Variants in SYT14 observed in about 807,000 individuals in gnomAD.
The protein encoded by SYT14 is synaptotagmin-14.
Under a neutral mutation model 74.2 loss-of-function variants are expected in SYT14, and 32 were observed. The observed-to-expected ratio is 0.43, with a 90% CI of 0.33 to 0.58. The LOEUF (loss-of-function observed/expected upper bound fraction) is 0.58. Among genes scored for constraint, SYT14 ranks in the 20% least tolerant of loss-of-function variants. The pLI is 0.05. For missense variants in SYT14, 791 were observed against 981.8 expected, an observed-to-expected ratio of 0.81 and a Z score of 2.60; for synonymous variants, 298 against 337.7, an observed-to-expected ratio of 0.88 and a Z score of 1.29.
intron 5 of SYT14, among the ~76,000 whole-genome samples, chr1:210,031,918 CAAG>C (rs1241754158): frequency 7.7e-6 from 1 of 130,316 alleles, no homozygotes; most frequent in Non-Finnish European, 1.8e-5. Flanking sequence ...AAGAAGGTAA[CAAG>C]AAGGAGGGGA....
intron 5 of SYT14, among the ~76,000 whole-genome samples, chr1:210,089,697 G>T (rs2081822474): frequency 6.6e-6 from 1 of 152,052 alleles, no homozygotes; most frequent in African/African-American, 2.4e-5. Flanking sequence ...TTTTGTTTCT[G>T]ATTTCTAGTT....
chr1:210,015,599 AAGAT>A (rs374462324), intron 3 of SYT14: 247 of 154,336 alleles, frequency 1.6e-3, no homozygotes, highest in African/African-American at 5.0e-3. Flanking sequence ...GTTTATTAGT[AAGAT>A]AGGGTAGTTC....
In SYT14 at chr1:209,962,597, G is replaced by T. The variant is rs141280157; in HGVS notation, c.-486+9841G>T. On this transcript the variant is annotated intron_variant, in intron 2 of 9. Transcript: ENST00000637265. ...TGAGAGGTTTATGTGCACCCAGAGG[G>T]AGGGTGCCTACCGCATTGACTCATG... Among the ~76,000 whole-genome samples the T allele has an allele frequency of 7.7e-3, 1,175 of 152,168 alleles. 20 individuals carry two copies. The highest frequency in any genetic ancestry group is 0.027 in the African/African-American group (1,122 of 41,552).
In SYT14 at chr1:209,956,424, A is replaced by G. The variant is rs114496018; in HGVS notation, c.-486+3668A>G. 5.3e-3 allele frequency among the ~76,000 whole-genome samples: 810 copies of G among 152,316 alleles called. 5 individuals are homozygous for G. The highest frequency in any genetic ancestry group is 0.018 in the African/African-American group (744 of 41,566). On this transcript the variant is annotated intron_variant, in intron 2 of 9. Coordinates refer to ENST00000637265, the Ensembl canonical transcript of SYT14. ...AGCTTGTGGCTCTGGCATCTTCAGCACATGGCTTTGGAGGTTACTATGTTC... is the reference window on the plus strand; with the variant it reads ...AGCTTGTGGCTCTGGCATCTTCAGCGCATGGCTTTGGAGGTTACTATGTTC...
chr1:209,976,587 G>C lies in SYT14; in HGVS notation c.-486+23831G>C, dbSNP rs1321101241. Among the ~76,000 whole-genome samples, 3 of 151,308 alleles carry C rather than the reference G, an allele frequency of 2.0e-5. No individual in the cohort carries two copies. In the East Asian group the frequency reaches 5.8e-4, roughly 29 times the overall value. On this transcript the variant is annotated intron_variant, in intron 2 of 9. Coordinates refer to ENST00000637265, the Ensembl canonical transcript of SYT14. ...TGAGAGACAGTTTGTTATAATTTCT[G>C]TTCTTTTACATTTGCTGAGGAGTCC...
intron 7 of SYT14, among the ~76,000 whole-genome samples, chr1:210,140,617 G>A (rs2082894337): frequency 6.6e-6 from 1 of 151,954 alleles, no homozygotes; most frequent in African/African-American, 2.4e-5. Flanking sequence ...TTTTCTTCTA[G>A]TAGTTTTATG....
chr1:209,972,439 G>T (rs909511695), intron 2 of SYT14, among the ~76,000 whole-genome samples: 1 of 151,970 alleles, frequency 6.6e-6, no homozygotes, highest in East Asian at 1.9e-4. Context: ...TCTTCTAGGT[G>T]TGATGTTAGA....
chr1:210,100,585 CT>C, intron 7 of SYT14, 124 bp downstream of exon 6: 1 of 957,070 alleles, frequency 1.0e-6, no homozygotes, highest in Non-Finnish European at 1.6e-6. Context: ...GTAATCATGC[CT>C]TTACAAAAAT....
intron 2 of SYT14, among the ~76,000 whole-genome samples, chr1:209,966,654 TAC>T (rs975174950): frequency 2.6e-5 from 4 of 152,350 alleles, no homozygotes; most frequent in Admixed American, 6.5e-5. Flanking sequence ...TATATAGAAA[TAC>T]AGTTACGTTT....
At chr1:210,142,657 A>G (rs2082941140) in intron 7 of SYT14, among the ~76,000 whole-genome samples, 1 of 152,170 alleles carries the variant, frequency 6.6e-6, no homozygotes, top group Non-Finnish European at 1.5e-5. Context: ...ATACAAGGCC[A>G]AAAGTTCAAA....
At chr1:209,991,453 A>G (rs2079684165) in intron 2 of SYT14, among the ~76,000 whole-genome samples, 1 of 152,216 alleles carries the variant, frequency 6.6e-6, no homozygotes, top group African/African-American at 2.4e-5. Context: ...AAATAACCCC[A>G]TTAAAAAGTG....
chr1:210,107,268 C>T (rs1392749204), intron 7 of SYT14, among the ~76,000 whole-genome samples: 1 of 152,196 alleles, frequency 6.6e-6, no homozygotes, highest in Admixed American at 6.5e-5. Flanking sequence ...AACAACAGCC[C>T]TCCTGACAGC....
At chr1:209,988,984 C>CA (rs369626492) in intron 2 of SYT14, among the ~76,000 whole-genome samples, 240 of 152,318 alleles carry the variant, frequency 1.6e-3, no homozygotes, top group African/African-American at 5.0e-3. Context: ...CCTCAACACT[C>CA]ACCTGACTGT....
chr1:210,026,654 T>C (rs895002792), intron 5 of SYT14, among the ~76,000 whole-genome samples: 6 of 141,268 alleles, frequency 4.2e-5, no homozygotes, highest in Non-Finnish European at 7.8e-5. Flanking sequence ...TCACCCCTAC[T>C]TGTCATTCTC....
intron 2 of SYT14, among the ~76,000 whole-genome samples, chr1:209,970,669 T>TA (rs2079236830): frequency 4.5e-5 from 1 of 22,410 alleles, no homozygotes; most frequent in African/African-American, 2.6e-4. Context: ...TGGCTTTTTT[T>TA]TTTTTTTTTT....
intron 3 of SYT14, among the ~76,000 whole-genome samples, 174 bp downstream of exon 3, chr1:210,013,971 T>C (rs2080136846): frequency 6.6e-6 from 1 of 152,234 alleles, no homozygotes; most frequent in Admixed American, 6.5e-5. Flanking sequence ...TTCTGTTGTT[T>C]ATGAATTGCT....
rs185232398 is a variant in SYT14, at chr1:210,077,244, G to T, written c.1313-17078G>T. ...TGAAAGCAGGAGCAAGAGAGAGTCG[G>T]TGGGGGGGAGATGCCACACACTTAA... On this transcript the variant is annotated intron_variant, in intron 5 of 9. Coordinates refer to ENST00000637265, the Ensembl canonical transcript of SYT14. 7.9e-5 allele frequency among the ~76,000 whole-genome samples: 12 copies of T among 152,200 alleles called. No homozygotes were observed. The East Asian group carries it at 1.4e-3, about 17-fold the overall frequency.
At chr1:210,010,547 G>A (rs1381099405) in intron 2 of SYT14, among the ~76,000 whole-genome samples, 2 of 152,030 alleles carry the variant, frequency 1.3e-5, no homozygotes, top group Non-Finnish European at 2.9e-5. Context: ...CTCTTCTAAA[G>A]CGTTTTATGA....
intron 2 of SYT14, among the ~76,000 whole-genome samples, chr1:210,000,577 TCTC>T (rs1031882029): frequency 2.0e-5 from 3 of 151,158 alleles, no homozygotes; most frequent in East Asian, 2.0e-4. Context: ...TTTATTATGT[TCTC>T]CTCCTACTTT....
Sources: gnomAD v4.1 joint callset for allele counts (sites outside exome capture counted in the v4.1 genomes callset) on GRCh38, gnomAD v4.1.1 for gene constraint, MANE v1.5 for transcripts, NCBI Gene and HGNC (gene_info 2026-07-23, HGNC 2026-07-21) for gene names.